MAF: variants seen among roughly 807,000 people sequenced by gnomAD.
MAF encodes transcription factor Maf.
Under a neutral mutation model 22.0 loss-of-function variants are expected in MAF, and 10 were observed. The observed-to-expected ratio is 0.45, with a 90% CI of 0.28 to 0.77. The LOEUF is 0.77. MAF is among the 30% of genes least tolerant of loss of function. MAF has a pLI of 0.12. For synonymous variants in MAF, 337 were observed against 255.8 expected (o/e 1.32, Z -3.03); for missense variants, 544 against 548.4 (o/e 0.99, Z 0.08).
At chr16:79,237,500 T>C in the MAF span, among the ~76,000 whole-genome samples, 1 of 152,118 alleles carries the variant, frequency 6.6e-6, no homozygotes, top group Non-Finnish European at 1.5e-5. Flanking sequence ...TCCCCCAACT[T>C]CTTTCTCACT....
the MAF span, among the ~76,000 whole-genome samples, chr16:79,560,187 A>G: frequency 6.7e-6 from 1 of 149,314 alleles, no homozygotes; most frequent in Non-Finnish European, 1.5e-5. Context: ...CTGGGACTAC[A>G]GGTGCACCTG....
chr16:79,207,523 G>T, the MAF span, among the ~76,000 whole-genome samples: 1 of 152,174 alleles, frequency 6.6e-6, no homozygotes, highest in Admixed American at 6.5e-5. Context: ...TTCAGCATTT[G>T]CTGTGCAATG....
chr16:79,538,871 A>AAAAG, the MAF span, among the ~76,000 whole-genome samples: 6,954 of 104,090 alleles, frequency 0.067, 308 homozygotes, highest in East Asian at 0.16. Context: ...AAAAGAAAAG[A>AAAAG]AAAGAAAGAA....
the MAF span, among the ~76,000 whole-genome samples, chr16:79,517,560 TGTTTA>T: frequency 7.1e-6 from 1 of 141,452 alleles, no homozygotes; most frequent in Non-Finnish European, 1.5e-5. Flanking sequence ...TTGAGTGGAC[TGTTTA>T]GTCTTTTTTT....
At chr16:79,501,634 G>A in the MAF span, among the ~76,000 whole-genome samples, 4 of 152,152 alleles carry the variant, frequency 2.6e-5, no homozygotes, top group African/African-American at 9.7e-5. Context: ...TGTTGATGCT[G>A]AAATTATGCT....
the MAF span, among the ~76,000 whole-genome samples, chr16:79,559,465 C>T: frequency 6.6e-6 from 1 of 152,112 alleles, no homozygotes; most frequent in Non-Finnish European, 1.5e-5. Context: ...CTACAGGTTC[C>T]TCCCCAAGAG....
the MAF span, among the ~76,000 whole-genome samples, chr16:79,439,757 AGG>A: frequency 6.6e-6 from 1 of 152,218 alleles, no homozygotes; most frequent in East Asian, 1.9e-4. Flanking sequence ...AAGCCAACAG[AGG>A]AAGTGCTGGA....
the MAF span, among the ~76,000 whole-genome samples, chr16:79,223,854 T>C: frequency 6.6e-5 from 10 of 152,134 alleles, no homozygotes; most frequent in Admixed American, 3.3e-4. Flanking sequence ...GTTCTGAAAT[T>C]GAGGGAGTAA....
the MAF span, among the ~76,000 whole-genome samples, chr16:79,477,328 G>A: frequency 2.0e-5 from 3 of 152,190 alleles, no homozygotes; most frequent in Admixed American, 2.0e-4. Context: ...CAGATTTGCT[G>A]AACAGAGAAA....
chr16:79,370,391 C>T, the MAF span, among the ~76,000 whole-genome samples: 1 of 152,192 alleles, frequency 6.6e-6, no homozygotes, highest in Non-Finnish European at 1.5e-5. Flanking sequence ...CTGGGTGGTC[C>T]TTTGCCTATG....
At chr16:79,414,838 T>C in the MAF span, among the ~76,000 whole-genome samples, 1 of 152,214 alleles carries the variant, frequency 6.6e-6, no homozygotes, top group South Asian at 2.1e-4. Flanking sequence ...GTGATATCCA[T>C]TGTAGGACCA....
At chr16:79,224,224 G>A in the MAF span, among the ~76,000 whole-genome samples, 39 of 152,148 alleles carry the variant, frequency 2.6e-4, no homozygotes, top group Admixed American at 8.5e-4. Flanking sequence ...ATCAGTAAAC[G>A]TAATCCATCA....
At chr16:79,529,726 C>T in the MAF span, among the ~76,000 whole-genome samples, 45,231 of 151,970 alleles carry the variant, frequency 0.3, 7,481 homozygotes, top group East Asian at 0.46. Context: ...TTTGGGAGGC[C>T]GAGGCGAGTG....
At chr16:79,385,249 T>C in the MAF span, among the ~76,000 whole-genome samples, 1 of 152,256 alleles carries the variant, frequency 6.6e-6, no homozygotes, top group Admixed American at 6.5e-5. Context: ...GGGAAATAGC[T>C]AACTTGCCAA....
At chr16:79,450,889 G>A in the MAF span, among the ~76,000 whole-genome samples, 7 of 151,868 alleles carry the variant, frequency 4.6e-5, no homozygotes, top group Admixed American at 1.3e-4. Flanking sequence ...GAAATTAAGA[G>A]GAAACTTGAT....
At chr16:79,545,495 T>C in the MAF span, among the ~76,000 whole-genome samples, 7 of 150,012 alleles carry the variant, frequency 4.7e-5, no homozygotes, top group South Asian at 2.2e-4. Context: ...ATGGACCCCA[T>C]GCAGAATTCC....
chr16:79,574,092 CAG>C, the MAF span, among the ~76,000 whole-genome samples: 1 of 152,192 alleles, frequency 6.6e-6, no homozygotes, highest in African/African-American at 2.4e-5. Context: ...TTCACGCTCA[CAG>C]AGTTTAGCGT....
In MAF at chr16:79,599,887, C is replaced by CA; in HGVS notation, c.15_16insT (p.Ala6CysfsTer18). 2 of 1,601,322 alleles carry CA rather than the reference C, an allele frequency of 1.2e-6. No homozygotes were observed. The highest frequency in any genetic ancestry group is 1.7e-6 in the Non-Finnish European group (2 of 1,179,182). ...GTGGGCAGGTCGGAGTTGCTCATTG[C>CA]CAGTTCTGATGCCATTCTCCTGCCG... On this transcript the variant is annotated frameshift_variant, in exon 1 of 2. Transcript: ENST00000326043. LOFTEE classifies it high-confidence loss of function.
At chr16:79,214,832 T>C in the MAF span, among the ~76,000 whole-genome samples, 3 of 146,366 alleles carry the variant, frequency 2.0e-5, no homozygotes, top group Admixed American at 7.0e-5. Context: ...TGCCCCATCC[T>C]TCAGAGTAGC....
Sources: allele counts gnomAD v4.1 joint callset (sites outside exome capture counted in the v4.1 genomes callset), GRCh38; gene constraint gnomAD v4.1.1; transcripts MANE v1.5; gene names NCBI Gene and HGNC (gene_info 2026-07-23, HGNC 2026-07-21).